Variants in PABPC1L observed in about 807,000 individuals in gnomAD.
PABPC1L encodes poly(A) binding protein cytoplasmic 1 like.
In PABPC1L, 31 loss-of-function variants were observed where a neutral mutation model predicts 66.6. The ratio of observed to expected loss-of-function variants is 0.47; its 90% CI spans 0.35 to 0.63. The LOEUF is 0.63. PABPC1L is among the 20% of genes least tolerant of loss of function. PABPC1L has a pLI of 0.00. For missense variants in PABPC1L, 722 were observed against 848.8 expected (o/e 0.85, Z 1.86); for synonymous variants, 348 against 335.1 (o/e 1.04, Z -0.42).
In PABPC1L at chr20:44,918,936, G is replaced by T; in HGVS notation, c.534G>T (p.Glu178Asp). The stretch of plus-strand genomic sequence containing the variant: ...TGGGTCACTTCAAGTCTCGACGGGA[G>T]CGGGAGGCGGAGCTGGGGGCGCGGG... ...VFVGHFKSRR[E>D]REAELGARAL... The change falls in exon 4 of 15, where the codon GAG (glutamate) becomes GAT (aspartate). Residue 178 changes from glutamate to aspartate, a missense_variant. By Grantham distance (45) the Glu-to-Asp change is conservative (BLOSUM62 2). This residue lies in a region of PABPC1L where 284 missense variants were observed against 294.8 expected (regional missense o/e 0.96). Transcript: ENST00000217073. 1 of 1,607,874 alleles carries T rather than the reference G, an allele frequency of 6.2e-7. No homozygotes were observed. Among genetic ancestry groups the T allele is most frequent in the Non-Finnish European group, 8.5e-7 (1 of 1,177,022 alleles).
intron 10 of PABPC1L, among the ~76,000 whole-genome samples, chr20:44,933,677 T>C (rs1334339047): frequency 6.6e-6 from 1 of 151,634 alleles, no homozygotes; most frequent in Non-Finnish European, 1.5e-5. Flanking sequence ...ACTCCTGATC[T>C]CAGGTGATCC....
intron 7 of PABPC1L, among the ~76,000 whole-genome samples, chr20:44,926,063 G>A (rs531550886): frequency 3.3e-5 from 5 of 152,268 alleles, no homozygotes; most frequent in Admixed American, 1.3e-4. Flanking sequence ...AGTGATTGTC[G>A]TAATGATTCA....
intron 7 of PABPC1L, among the ~76,000 whole-genome samples, chr20:44,929,375 G>A (rs1280855704): frequency 6.6e-6 from 1 of 152,186 alleles, no homozygotes; most frequent in African/African-American, 2.4e-5. Flanking sequence ...GTGAAGTCTG[G>A]AGTTCAGTTA....
At chr20:44,922,286 C>T (rs2066779467) in intron 6 of PABPC1L, among the ~76,000 whole-genome samples, 1 of 152,086 alleles carries the variant, frequency 6.6e-6, no homozygotes, top group Admixed American at 6.6e-5. Context: ...CTCTTGTCAC[C>T]CAGGCTGGAG....
rs200502805 is a variant in PABPC1L at position 44,921,581 on chromosome 20, C to A, written c.739-13C>A. The A allele has an allele frequency of 6.5e-5, 105 of 1,613,676 alleles. No homozygotes were observed. In the East Asian group the frequency reaches 2.3e-3, roughly 36 times the overall value. ...GAGTGGTTACCAAGCATGTTCCCTC[C>A]TCCTTTCCCCAGGCCGTGGTCCATA... On this transcript the variant is annotated splice_polypyrimidine_tract_variant and intron_variant, in intron 5 of 14. Coordinates refer to ENST00000217073, the MANE Select transcript of PABPC1L (RefSeq NM_001372179.1).
In PABPC1L at chr20:44,918,967, G is replaced by T; in HGVS notation, c.565G>T (p.Glu189Ter). The T allele has an allele frequency of 6.2e-7, 1 of 1,613,398 alleles. No individual in the cohort carries two copies. Among genetic ancestry groups the T allele is most frequent in the Non-Finnish European group, 8.5e-7 (1 of 1,179,648 alleles). ...GGCGGAGCTGGGGGCGCGGGCCCTG[G>T]AGTTCACCAACATCTACGTGAAGAA... The part of the protein sequence containing the change: ...REAELGARAL[E>*]FTNIYVKNLP... Residue 189 changes from glutamate (E) to a stop codon, truncating the protein, a stop_gained, in exon 4 of 15, where the codon GAG (glutamate) becomes TAG (stop). Transcript: ENST00000217073. LOFTEE classifies it high-confidence loss of function.
intron 12 of PABPC1L, chr20:44,937,292 G>T (rs1425587081): frequency 2.8e-5 from 8 of 284,800 alleles, no homozygotes; most frequent in Admixed American, 9.4e-5. Context: ...TGGTTGGCAG[G>T]TTCTTTACTG....
At chr20:44,912,613 G>GA in intron 1 of PABPC1L, 47 bp from the exon 2 acceptor site, 1 of 1,529,596 alleles carries the variant, frequency 6.5e-7, no homozygotes. Context: ...ATCAAGGTAA[G>GA]AAAATTCCCT....
At chr20:44,919,298 C>G (rs1555798626) in intron 5 of PABPC1L, 21 bp downstream of exon 5, 6 of 1,612,966 alleles carry the variant, frequency 3.7e-6, no homozygotes, top group Non-Finnish European at 4.2e-6. Flanking sequence ...CCCCATGGCT[C>G]TGTTCTGCAG....
At position 44,916,797 on chromosome 20, in the gene PABPC1L, C is replaced by G. The variant is rs2066740744; in HGVS notation, c.429C>G (p.Val143=). The change falls in exon 3 of 15, where the codon GTC becomes GTG. Residue 143 remains valine, a synonymous_variant. Transcript: ENST00000217073. ...DEHGSRGFGF[V]HFETHEAAQQ... ...ATGGCTCCCGGGGTTTCGGCTTTGT[C>G]CATTTTGAGACCCATGAGGCCGCAC... The G allele has an allele frequency of 6.2e-7, 1 of 1,614,068 alleles. No homozygotes were observed. Among genetic ancestry groups the G allele is most frequent in the Non-Finnish European group, 8.5e-7 (1 of 1,180,038 alleles).
intron 3 of PABPC1L, among the ~76,000 whole-genome samples, chr20:44,917,765 A>G (rs1348253953): frequency 1.3e-5 from 2 of 152,036 alleles, no homozygotes; most frequent in Admixed American, 6.6e-5. Flanking sequence ...ACTGAGAGTC[A>G]TTTTGTCCAG....
intron 13 of PABPC1L, 27 bp downstream of exon 13, chr20:44,938,218 G>A: frequency 6.2e-7 from 1 of 1,609,240 alleles, no homozygotes; most frequent in Non-Finnish European, 8.5e-7. Flanking sequence ...GCAGCAGGGA[G>A]CCCGAGGGGG....
chr20:44,925,727 C>T (rs1369717314), intron 7 of PABPC1L, among the ~76,000 whole-genome samples: 3 of 152,092 alleles, frequency 2.0e-5, no homozygotes, highest in African/African-American at 7.2e-5. Flanking sequence ...TTGAAAAATG[C>T]GAGAGAAGGC....
Position 44,910,128 on chromosome 20 carries a change from C to T in PABPC1L, c.-16C>T, listed in dbSNP as rs532517682. The T allele has an allele frequency of 1.2e-4, 178 of 1,545,532 alleles. No homozygotes were observed. In the South Asian group the frequency reaches 1.9e-3, roughly 17 times the overall value. On this transcript the variant is annotated 5_prime_UTR_variant, in exon 1 of 15. Transcript: ENST00000217073. ...CCGGCTCCTGCTTGCCCCGCAGCCC[C>T]GGCCCCCTGCCCACCATGAACGCCA...
At chr20:44,932,920 C>T (rs903751949) in intron 9 of PABPC1L, 137 bp from the exon 10 acceptor site, 1 of 616,090 alleles carries the variant, frequency 1.6e-6, no homozygotes. Flanking sequence ...GAATTGACTC[C>T]TATTTCTGTT....
rs755049127 is a variant in PABPC1L at position 44,933,115 on chromosome 20, G to A, written c.1389G>A (p.Pro463=). The change falls in exon 10 of 15, where the codon CCG becomes CCA. Residue 463 remains proline, a synonymous_variant. Coordinates refer to ENST00000217073, the MANE Select transcript of PABPC1L (RefSeq NM_001372179.1). Reference sequence around the variant, plus strand: ...CACCAGTTGTGCCTCGGCGCCCCCCGGCCCACATCAGCAGTGTCAGGCAGG... The same window carrying A: ...CACCAGTTGTGCCTCGGCGCCCCCCAGCCCACATCAGCAGTGTCAGGCAGG... ...VRPPVVPRRP[P]AHISSVRQAS... The A allele has an allele frequency of 6.2e-6, 10 of 1,608,318 alleles. 1 individual carries two copies. Among genetic ancestry groups the A allele is most frequent in the South Asian group, 3.4e-5 (3 of 89,466 alleles).
At chr20:44,935,606 G>C (rs1009185127) in intron 11 of PABPC1L, 109 bp downstream of exon 11, 2 of 845,276 alleles carry the variant, frequency 2.4e-6, no homozygotes, top group Non-Finnish European at 1.9e-6. Context: ...GGCTTGTAAA[G>C]TTTCGTTTAT....
At chr20:44,926,517 G>A (rs1324580669) in intron 7 of PABPC1L, among the ~76,000 whole-genome samples, 1 of 148,928 alleles carries the variant, frequency 6.7e-6, no homozygotes, top group Non-Finnish European at 1.5e-5. Context: ...GAGCCACCAC[G>A]CCCAGCCTAC....
At chr20:44,922,401 C>A (rs2066780420) in intron 6 of PABPC1L, among the ~76,000 whole-genome samples, 1 of 152,078 alleles carries the variant, frequency 6.6e-6, no homozygotes, top group African/African-American at 2.4e-5. Context: ...CCATGCCCGG[C>A]AAATTTTTGT....
Sources: gnomAD v4.1 joint callset for allele counts (sites outside exome capture counted in the v4.1 genomes callset) on GRCh38, gnomAD v4.1.1 for gene constraint, gnomAD v4.1.1 regional missense constraint, MANE v1.5 for transcripts, NCBI Gene and HGNC (gene_info 2026-07-23, HGNC 2026-07-21) for gene names.